NFATC3: variants seen among roughly 807,000 people sequenced by gnomAD.
The protein encoded by NFATC3 is nuclear factor of activated T cells 3.
In NFATC3, 46 loss-of-function variants were observed where a neutral mutation model predicts 98.6. That is an observed-to-expected ratio of 0.47 (90% CI 0.37 to 0.60). The LOEUF (loss-of-function observed/expected upper bound fraction) is 0.60. Ranked by LOEUF, NFATC3 falls within the 20% of genes least tolerant of loss-of-function variation. The pLI is 0.00. For missense variants in NFATC3, 1,256 were observed against 1,295.5 expected, an observed-to-expected ratio of 0.97 and a Z score of 0.47; for synonymous variants, 512 against 472.2, an observed-to-expected ratio of 1.08 and a Z score of -1.09.
chr16:68,100,593 CAAAA>C (rs900490902), intron 1 of NFATC3, among the ~76,000 whole-genome samples: 1 of 141,890 alleles, frequency 7.0e-6, no homozygotes, highest in Admixed American at 7.0e-5. Flanking sequence ...ACAAAACAAA[CAAAA>C]AAAAAAACCA....
chr16:68,182,001 A>G (rs2039968493), intron 7 of NFATC3, among the ~76,000 whole-genome samples: 2 of 152,218 alleles, frequency 1.3e-5, no homozygotes, highest in South Asian at 4.1e-4. Context: ...AAAGTTTAGA[A>G]AAGATAACCA....
At chr16:68,159,625 G>A (rs1182700724) in intron 4 of NFATC3, among the ~76,000 whole-genome samples, 7 of 150,992 alleles carry the variant, frequency 4.6e-5, no homozygotes, top group East Asian at 2.0e-4. Flanking sequence ...GGGTTTCACC[G>A]TGTTAGCCAG....
intron 5 of NFATC3, 52 bp from the exon 6 acceptor site, chr16:68,174,322 T>A: frequency 7.6e-7 from 1 of 1,324,238 alleles, no homozygotes; most frequent in Non-Finnish European, 9.9e-7. Flanking sequence ...GTATCAAAGA[T>A]TTTTAACTAA....
In NFATC3 at chr16:68,099,706, G is replaced by A. The variant is rs762661645; in HGVS notation, c.103+13922G>A. 2.6e-5 allele frequency among the ~76,000 whole-genome samples: 4 copies of A among 152,018 alleles called. No individual in the cohort carries two copies. The South Asian group carries it at 6.2e-4, about 24-fold the overall frequency. On this transcript the variant is annotated intron_variant, in intron 1 of 9. Transcript: ENST00000346183. Reference sequence around the variant, plus strand: ...TTTTCCCTCCCTCTTCCCCAACCCAGTCTCAAATTCCTGGCAACCACTAAT... The same window carrying A: ...TTTTCCCTCCCTCTTCCCCAACCCAATCTCAAATTCCTGGCAACCACTAAT...
intron 1 of NFATC3, among the ~76,000 whole-genome samples, chr16:68,109,772 G>T (rs2035848337): frequency 6.6e-6 from 1 of 152,052 alleles, no homozygotes; most frequent in Non-Finnish European, 1.5e-5. Context: ...GGTCTGTTCA[G>T]GTATTCAGCT....
intron 1 of NFATC3, 177 bp downstream of exon 1, chr16:68,085,961 G>T (rs921754118): frequency 7.0e-5 from 33 of 471,892 alleles, no homozygotes; most frequent in Non-Finnish European, 1.1e-4. Flanking sequence ...CGTGTGGGTC[G>T]CTGCGACGTG....
intron 2 of NFATC3, among the ~76,000 whole-genome samples, chr16:68,124,689 T>G (rs1364219950): frequency 2.0e-5 from 3 of 151,966 alleles, no homozygotes; most frequent in Non-Finnish European, 4.4e-5. Flanking sequence ...CACCTCGGCC[T>G]CCCAAAGTGC....
intron 9 of NFATC3, 182 bp from the exon 10 acceptor site, chr16:68,226,168 T>TA (rs1463255437): frequency 1.6e-5 from 9 of 576,426 alleles, no homozygotes; most frequent in Non-Finnish European, 2.5e-5. Flanking sequence ...AGGTCCAGAG[T>TA]AGTTTGTGGA....
intron 9 of NFATC3, among the ~76,000 whole-genome samples, chr16:68,211,546 G>GTTTTTGTTGTTGTTGTTT (rs1567552065): frequency 6.9e-6 from 1 of 144,858 alleles, no homozygotes. Context: ...TGTTTGAGTC[G>GTTTTTGTTGTTGTTGTTT]GAGTCTCACC....
chr16:68,152,209 CAAAAAA>C (rs769742861), intron 3 of NFATC3, among the ~76,000 whole-genome samples: 1 of 103,478 alleles, frequency 9.7e-6, no homozygotes, highest in East Asian at 2.6e-4. Flanking sequence ...CTAAAGATAC[CAAAAAA>C]AAAAAAAAAA....
intron 1 of NFATC3, among the ~76,000 whole-genome samples, chr16:68,097,292 C>T (rs1232807475): frequency 6.6e-6 from 1 of 152,136 alleles, no homozygotes; most frequent in African/African-American, 2.4e-5. Context: ...AGTGCACAGT[C>T]TAGTAATTAT....
rs368906956 is a variant in NFATC3, at chr16:68,091,223, G to A, written c.103+5439G>A. On this transcript the variant is annotated intron_variant, in intron 1 of 9. Transcript: ENST00000346183. ...TAGGTGTTATAAAAGTTAAAACTTG[G>A]GTATTATATACATAGCCAAGAAGTT... Among the ~76,000 whole-genome samples the A allele has an allele frequency of 2.3e-4, 35 of 152,200 alleles. 1 individual carries two copies. In the South Asian group the frequency reaches 7.1e-3, roughly 31 times the overall value.
intron 9 of NFATC3, among the ~76,000 whole-genome samples, chr16:68,211,482 G>A (rs2418735): frequency 0.18 from 27,861 of 151,204 alleles, 2,929 homozygotes; most frequent in African/African-American, 0.28. Flanking sequence ...CACTGTGCCC[G>A]GCTGAAACTC....
Position 68,122,265 on chromosome 16 carries a change from G to C in NFATC3, c.382G>C (p.Glu128Gln). ...PNCHQELDAH[E>Q]DDLQINDPER... ...CTGTCATCAAGAATTAGATGCACAT[G>C]AAGATGACCTACAGATAAATGACCC... The change falls in exon 2 of 10, where the codon GAA becomes CAA. Residue 128 changes from glutamate (E) to glutamine (Q), a missense_variant. Glu to Gln is a conservative substitution (Grantham distance 29). This residue lies in a region of NFATC3 where 464 missense variants were observed against 465.7 expected (regional missense o/e 1.00). Transcript: ENST00000346183. The C allele has an allele frequency of 6.2e-7, 1 of 1,614,092 alleles. No individual in the cohort carries two copies. The highest frequency in any genetic ancestry group is 8.5e-7 in the Non-Finnish European group (1 of 1,180,024).
At chr16:68,117,443 T>A (rs1285855686) in intron 1 of NFATC3, among the ~76,000 whole-genome samples, 1 of 152,216 alleles carries the variant, frequency 6.6e-6, no homozygotes, top group Non-Finnish European at 1.5e-5. Context: ...TGAGCACCCC[T>A]AGCTCTCATT....
At chr16:68,149,981 T>A (rs1378199270) in intron 3 of NFATC3, among the ~76,000 whole-genome samples, 1 of 152,254 alleles carries the variant, frequency 6.6e-6, no homozygotes, top group Non-Finnish European at 1.5e-5. Context: ...ATTTATTAGC[T>A]GTTTTTCCCT....
In NFATC3 at chr16:68,218,341, G is replaced by A. The variant is rs1034807524; in HGVS notation, c.3107-8009G>A. ...TGTTATCCCAGCACTTTGGAAGGCC[G>A]AGGCAGACAGATCACTTGAGTTCAG... On this transcript the variant is annotated intron_variant, in intron 9 of 9. Transcript: ENST00000346183. Among the ~76,000 whole-genome samples, 7 of 151,446 alleles carry A rather than the reference G, an allele frequency of 4.6e-5. No individual in the cohort carries two copies. The South Asian group carries it at 6.3e-4, about 14-fold the overall frequency.
At chr16:68,183,952 G>A (rs1018078137) in intron 8 of NFATC3, among the ~76,000 whole-genome samples, 2 of 143,816 alleles carry the variant, frequency 1.4e-5, no homozygotes, top group Non-Finnish European at 3.0e-5. Context: ...GTTGCGGTGA[G>A]CCGAGATCGC....
In NFATC3 at chr16:68,174,483, A is replaced by G; in HGVS notation, c.1884A>G (p.Glu628=). ...TGACTGGATCTAATTTTCTTCCAGA[A>G]TCCAAAATCATTTTTCTTGAAAAAG... ...MVVTGSNFLP[E]SKIIFLEKGQ... Residue 628 remains glutamate (E), a synonymous_variant, in exon 6 of 10, where the codon GAA becomes GAG. Transcript: ENST00000346183. 2 of 1,602,322 alleles carry G rather than the reference A, an allele frequency of 1.2e-6. No homozygotes were observed. Among genetic ancestry groups the G allele is most frequent in the Non-Finnish European group, 1.7e-6 (2 of 1,175,350 alleles).
Sources: gnomAD v4.1 joint callset for allele counts (sites outside exome capture counted in the v4.1 genomes callset) on GRCh38, gnomAD v4.1.1 for gene constraint, gnomAD v4.1.1 regional missense constraint, MANE v1.5 for transcripts, NCBI Gene and HGNC (gene_info 2026-07-23, HGNC 2026-07-21) for gene names.